The following PAPOLA variants were observed in gnomAD, a reference collection of about 807,000 sequenced individuals.
PAPOLA encodes poly(A) polymerase alpha.
A neutral mutation model predicts 100.6 loss-of-function variants in PAPOLA; 15 were observed. The ratio of observed to expected loss-of-function variants is 0.15; its 90% CI spans 0.10 to 0.23. PAPOLA has a LOEUF of 0.23. Among genes scored for constraint, PAPOLA ranks in the 10% least tolerant of loss-of-function variants. The pLI, the probability that PAPOLA is intolerant of heterozygous loss-of-function variation, is 1.00. For synonymous variants in PAPOLA, 293 were observed against 300.0 expected (o/e 0.98, Z 0.24); for missense variants, 533 against 884.2 (o/e 0.60, Z 5.04).
chr14:96,533,621 C>T, intron 9 of PAPOLA: 1 of 639,136 alleles, frequency 1.6e-6, no homozygotes, highest in Non-Finnish European at 1.9e-6. Context: ...GTGGCACGAT[C>T]TTGGCTCACT....
At chr14:96,522,649 C>T (rs1898098713) in intron 3 of PAPOLA, among the ~76,000 whole-genome samples, 1 of 152,180 alleles carries the variant, frequency 6.6e-6, no homozygotes, top group African/African-American at 2.4e-5. Flanking sequence ...AAGATATCTG[C>T]TTGCCTTGGC....
chr14:96,545,086 T>C (rs918028060), intron 15 of PAPOLA, among the ~76,000 whole-genome samples: 1 of 152,074 alleles, frequency 6.6e-6, no homozygotes, highest in Non-Finnish European at 1.5e-5. Flanking sequence ...ATACTGTCCT[T>C]CTCTCCCCAT....
chr14:96,537,028 T>C lies in PAPOLA; in HGVS notation c.1083T>C (p.Leu361=), dbSNP rs199977935. The change falls in exon 12 of 22, where the codon CTT becomes CTC. Residue 361 remains leucine (L), a synonymous_variant. Coordinates refer to ENST00000216277, the MANE Select transcript of PAPOLA (RefSeq NM_032632.5). The stretch of plus-strand genomic sequence containing the variant: ...TGAGTAAGGCAGAGTGGTCCAAACT[T>C]TTTGAAGCTCCAAACTTCTTTCAAA... ...ILLSKAEWSK[L]FEAPNFFQKY... 8.7e-6 allele frequency: 14 copies of C among 1,608,334 alleles called. No homozygotes were observed. The highest frequency in any genetic ancestry group is 8.5e-6 in the Non-Finnish European group (10 of 1,174,986).
At chr14:96,564,117 G>A (rs1311096172) in intron 21 of PAPOLA, among the ~76,000 whole-genome samples, 1 of 151,974 alleles carries the variant, frequency 6.6e-6, no homozygotes, top group Non-Finnish European at 1.5e-5. Context: ...AATGTTAGGG[G>A]CGTACTTATT....
Position 96,566,415 on chromosome 14 carries a change from T to TA in PAPOLA, c.*1366dup, listed in dbSNP as rs537707130. 1.5e-3 allele frequency: 232 copies of TA among 152,890 alleles called. No homozygotes were observed. The highest frequency in any genetic ancestry group is 4.7e-3 in the Admixed American group (72 of 15,308). The allele number at this position is 152,890 out of a possible 1,614,324, so 9.5% of individuals were successfully genotyped here. A position where few individuals can be genotyped will look rare whatever the true frequency, so the allele number is the denominator to read the frequency against. On this transcript the variant is annotated 3_prime_UTR_variant, in exon 22 of 22. Transcript: ENST00000216277. ...GAGGGATGCCAGATGTTGATAAACT[T>TA]ACTCTTTCTGAATCTGGACAAAGTC...
chr14:96,522,332 T>A (rs556071277), intron 3 of PAPOLA, among the ~76,000 whole-genome samples: 2 of 151,940 alleles, frequency 1.3e-5, no homozygotes, highest in African/African-American at 2.4e-5. Flanking sequence ...GTTGACCAGC[T>A]GGTCTCAAAC....
chr14:96,528,192 A>C (rs1322802647), intron 6 of PAPOLA, among the ~76,000 whole-genome samples, 186 bp downstream of exon 6: 1 of 152,228 alleles, frequency 6.6e-6, no homozygotes, highest in African/African-American at 2.4e-5. Flanking sequence ...CTTTTTAAAA[A>C]TACCAAGTGA....
chr14:96,528,292 T>G (rs1207602001), intron 6 of PAPOLA, among the ~76,000 whole-genome samples: 3 of 152,228 alleles, frequency 2.0e-5, no homozygotes, highest in Non-Finnish European at 4.4e-5. Context: ...TATGCCAGTT[T>G]TGTGTGCTTT....
At chr14:96,522,057 C>T (rs547771473) in intron 3 of PAPOLA, among the ~76,000 whole-genome samples, 2 of 151,428 alleles carry the variant, frequency 1.3e-5, no homozygotes, top group Non-Finnish European at 1.5e-5. Context: ...CTTCCTTGGC[C>T]TCCCAAAGTG....
At chr14:96,519,707 G>A (rs1897783194) in intron 1 of PAPOLA, among the ~76,000 whole-genome samples, 5 of 152,182 alleles carry the variant, frequency 3.3e-5, no homozygotes, top group Admixed American at 3.3e-4. Flanking sequence ...TGGTAAAGTA[G>A]CATTTCTGTA....
At chr14:96,548,399 C>T (rs928787854) in intron 16 of PAPOLA, among the ~76,000 whole-genome samples, 1 of 152,066 alleles carries the variant, frequency 6.6e-6, no homozygotes, top group East Asian at 1.9e-4. Context: ...ACAGAGGTCA[C>T]TGAGTTAATA....
At chr14:96,523,212 T>C (rs1419397268) in intron 3 of PAPOLA, among the ~76,000 whole-genome samples, 2 of 152,232 alleles carry the variant, frequency 1.3e-5, no homozygotes, top group Admixed American at 1.3e-4. Context: ...GAAAATGTTT[T>C]TCCATGACCT....
intron 13 of PAPOLA, 161 bp from the exon 14 acceptor site, chr14:96,542,613 G>T: frequency 1.6e-6 from 1 of 637,012 alleles, no homozygotes; most frequent in East Asian, 3.0e-5. Context: ...GTGTTTCTTG[G>T]CTCTTTTTTC....
intron 3 of PAPOLA, among the ~76,000 whole-genome samples, chr14:96,524,025 G>T (rs1898247411): frequency 6.6e-6 from 1 of 151,930 alleles, no homozygotes; most frequent in Non-Finnish European, 1.5e-5. Context: ...TAAAAAACAG[G>T]AGTCTCTGAC....
At position 96,532,539 on chromosome 14, in the gene PAPOLA, T is replaced by A. The variant is rs1370833241; in HGVS notation, c.726T>A (p.Gly242=). Residue 242 remains glycine (G), a synonymous_variant, in exon 9 of 22, where the codon GGT becomes GGA. Coordinates refer to ENST00000216277, the MANE Select transcript of PAPOLA (RefSeq NM_032632.5). ...KRHNIYSNIL[G]FLGGVSWAML... ...ACAACATCTATTCCAATATATTAGG[T>A]TTCCTCGGTGGTGTTTCCTGGGCTA... 2 of 1,611,044 alleles carry A rather than the reference T, an allele frequency of 1.2e-6. No individual in the cohort carries two copies. The highest frequency in any genetic ancestry group is 1.1e-5 in the South Asian group (1 of 90,422).
intron 2 of PAPOLA, 181 bp from the exon 3 acceptor site, chr14:96,520,825 A>G: frequency 1.9e-6 from 1 of 525,878 alleles, no homozygotes; most frequent in Non-Finnish European, 3.5e-6. Flanking sequence ...CTGTATATAT[A>G]TATAGAAAGA....
chr14:96,502,631 TC>T lies in PAPOLA; in HGVS notation c.8+32del, dbSNP rs761186851. 79 of 1,564,458 alleles carry T rather than the reference TC, an allele frequency of 5.0e-5. 1 individual carries two copies. In the Middle Eastern group the frequency reaches 5.5e-4, roughly 11 times the overall value. Reference sequence around the variant, plus strand: ...TAATTTGTATTCTGTTTTCTTTCGCTCGCCGGCTGGGCCTTGGGGGGCGTCC... The same window carrying T: ...TAATTTGTATTCTGTTTTCTTTCGCTGCCGGCTGGGCCTTGGGGGGCGTCC... On this transcript the variant is annotated intron_variant, in intron 1 of 21. Coordinates refer to ENST00000216277, the MANE Select transcript of PAPOLA (RefSeq NM_032632.5).
chr14:96,510,104 T>TA (rs1356041171), intron 1 of PAPOLA, among the ~76,000 whole-genome samples: 4 of 152,086 alleles, frequency 2.6e-5, no homozygotes, highest in Non-Finnish European at 4.4e-5. Flanking sequence ...CCTCTTTTGT[T>TA]ACAGAATTAT....
At chr14:96,508,317 G>A (rs1896875465) in intron 1 of PAPOLA, among the ~76,000 whole-genome samples, 1 of 152,238 alleles carries the variant, frequency 6.6e-6, no homozygotes, top group African/African-American at 2.4e-5. Context: ...TAACAGAACT[G>A]TGGGAGATTT....
Sources: gnomAD v4.1 joint callset for allele counts (sites outside exome capture counted in the v4.1 genomes callset) on GRCh38, gnomAD v4.1.1 for gene constraint, MANE v1.5 for transcripts, NCBI Gene and HGNC (gene_info 2026-07-23, HGNC 2026-07-21) for gene names.